Variants in GNA13 observed in about 807,000 individuals in gnomAD.
GNA13 encodes guanine nucleotide-binding protein subunit alpha-13.
In GNA13, 4 loss-of-function variants were observed where a neutral mutation model predicts 33.5. The observed-to-expected ratio is 0.12, with a 90% CI of 0.06 to 0.27. The LOEUF (loss-of-function observed/expected upper bound fraction) is 0.27, where lower values mean the gene tolerates loss of function less well. Ranked by LOEUF, GNA13 falls within the 10% of genes least tolerant of loss-of-function variation. GNA13 has a pLI of 1.00. For missense variants in GNA13, 319 were observed against 487.2 expected (o/e 0.65, Z 3.25); for synonymous variants, 176 against 183.8 (o/e 0.96, Z 0.34).
intron 2 of GNA13, among the ~76,000 whole-genome samples, chr17:65,028,744 A>C (rs978180214): frequency 6.6e-6 from 1 of 152,070 alleles, no homozygotes; most frequent in African/African-American, 2.4e-5. Context: ...TACAGATCAA[A>C]CTATCTCTAA....
In GNA13 at chr17:65,010,187, C is replaced by A. The variant is rs1030401618; in HGVS notation, c.*4070G>T. Among the ~76,000 whole-genome samples, 2 of 152,186 alleles carry A rather than the reference C, an allele frequency of 1.3e-5. No homozygotes were observed. Among genetic ancestry groups the A allele is most frequent in the Non-Finnish European group, 2.9e-5 (2 of 68,034 alleles). On this transcript the variant is annotated 3_prime_UTR_variant, in exon 4 of 4. Transcript: ENST00000439174. The stretch of plus-strand genomic sequence containing the variant: ...ATAACTTAAATGCTAACTACACGTT[C>A]AAGTACAGACATAAGAATGCTAGTG...
rs1310207184 is a variant in GNA13 at position 65,056,616 on chromosome 17, C to T, written c.-23G>A. ...CATCTTGCCGCCGCCGCCGCCGCCT[C>T]GGCGGGCCCCTCCGGCTCCCTCCAC... On this transcript the variant is annotated 5_prime_UTR_variant, in exon 1 of 4. Transcript: ENST00000439174. 2.5e-6 allele frequency: 4 copies of T among 1,594,662 alleles called. No homozygotes were observed. The highest frequency in any genetic ancestry group is 2.6e-6 in the Non-Finnish European group (3 of 1,175,026).
At chr17:65,026,816 T>C (rs778551517) in intron 2 of GNA13, among the ~76,000 whole-genome samples, 1 of 152,230 alleles carries the variant, frequency 6.6e-6, no homozygotes, top group Non-Finnish European at 1.5e-5. Flanking sequence ...TTCGCTCTTG[T>C]TGCCCAGGCT....
At chr17:65,051,302 G>A (rs1462756143) in intron 2 of GNA13, among the ~76,000 whole-genome samples, 6 of 152,156 alleles carry the variant, frequency 3.9e-5, no homozygotes, top group African/African-American at 1.4e-4. Context: ...GAAGAAAGGA[G>A]AATAAGCAGC....
chr17:65,052,896 A>T (rs2143832305), intron 2 of GNA13, among the ~76,000 whole-genome samples: 1 of 152,274 alleles, frequency 6.6e-6, no homozygotes, highest in Non-Finnish European at 1.5e-5. Flanking sequence ...GTGTGGTGGC[A>T]CGCGCCTATA....
intron 2 of GNA13, among the ~76,000 whole-genome samples, chr17:65,026,804 G>C (rs538268616): frequency 5.9e-5 from 9 of 152,314 alleles, no homozygotes; most frequent in South Asian, 2.1e-4. Context: ...TTGAGACGGA[G>C]TTTCGCTCTT....
At chr17:65,031,921 A>AGAGAGAGTGT (rs770161529) in intron 2 of GNA13, among the ~76,000 whole-genome samples, 23 of 91,688 alleles carry the variant, frequency 2.5e-4, no homozygotes, top group African/African-American at 8.3e-4. Context: ...AGAGAGAGAG[A>AGAGAGAGTGT]GTGTGTGTGT....
intron 1 of GNA13, chr17:65,055,617 AG>A: frequency 1.0e-6 from 1 of 985,444 alleles, no homozygotes; most frequent in East Asian, 1.1e-4. Context: ...GGGGCGAAAA[AG>A]CACAGATGCT....
intron 2 of GNA13, among the ~76,000 whole-genome samples, chr17:65,038,317 C>T (rs896414075): frequency 1.4e-4 from 21 of 151,850 alleles, no homozygotes; most frequent in African/African-American, 4.8e-4. Flanking sequence ...GTAGGAGAAT[C>T]GCTTGAAGCT....
At chr17:65,024,459 G>A (rs573226720) in intron 2 of GNA13, among the ~76,000 whole-genome samples, 27 of 152,212 alleles carry the variant, frequency 1.8e-4, no homozygotes, top group African/African-American at 6.5e-4. Flanking sequence ...ACAAAAACTT[G>A]CACACAAGTT....
chr17:65,056,230 C>G (rs1288576223), intron 1 of GNA13, 81 bp downstream of exon 1: 4 of 966,262 alleles, frequency 4.1e-6, no homozygotes, highest in Non-Finnish European at 6.0e-6. Context: ...CACAGCGGAC[C>G]AGGGCGGTGC....
At chr17:65,054,874 CTTAA>C (rs1306174484) in intron 1 of GNA13, among the ~76,000 whole-genome samples, 1 of 152,234 alleles carries the variant, frequency 6.6e-6, no homozygotes, top group Non-Finnish European at 1.5e-5. Flanking sequence ...TGAAAGAGAC[CTTAA>C]TTAGTTTTGA....
intron 2 of GNA13, among the ~76,000 whole-genome samples, chr17:65,020,729 C>A (rs1051392960): frequency 6.6e-6 from 1 of 151,440 alleles, no homozygotes; most frequent in East Asian, 1.9e-4. Flanking sequence ...TGGCTCAATA[C>A]AACCTCCACC....
chr17:65,056,021 C>T (rs1175493559), intron 1 of GNA13, among the ~76,000 whole-genome samples: 1 of 152,128 alleles, frequency 6.6e-6, no homozygotes, highest in Non-Finnish European at 1.5e-5. Context: ...ACTTCCCTCT[C>T]GCAGGGGGAG....
At position 65,053,561 on chromosome 17, in the gene GNA13, C is replaced by T; in HGVS notation, c.451G>A (p.Ala151Thr). The stretch of plus-strand genomic sequence containing the variant: ...TGTATGCCGCTGTCTGCCCATAATG[C>T]TCTTATAGCAGGAAGATATTGTAAG... Reference protein sequence around the residue: ...VFLQYLPAIRALWADSGIQNA... With the variant: ...VFLQYLPAIRTLWADSGIQNA... Residue 151 changes from alanine (A) to threonine (T), a missense_variant, in exon 2 of 4, where the codon GCA (alanine) becomes ACA (threonine). Physicochemically the swap from Ala to Thr is moderately conservative, Grantham distance 58. Around this residue, in one of 4 missense-constraint regions of GNA13, gnomAD observed 136 missense variants for 159.3 expected, o/e 0.85. Transcript: ENST00000439174. 6.2e-7 allele frequency: 1 copy of T among 1,614,006 alleles called. No individual in the cohort carries two copies. Among genetic ancestry groups the T allele is most frequent in the South Asian group, 1.1e-5 (1 of 91,086 alleles).
At chr17:65,028,528 TAA>T (rs986655008) in intron 2 of GNA13, among the ~76,000 whole-genome samples, 7 of 151,988 alleles carry the variant, frequency 4.6e-5, no homozygotes, top group Non-Finnish European at 1.0e-4. Context: ...ACTGTAATTA[TAA>T]TTTTCCTAAA....
At position 65,056,454 on chromosome 17, in the gene GNA13, C is replaced by T; in HGVS notation, c.140G>A (p.Arg47Gln). 1 of 1,613,868 alleles carries T rather than the reference C, an allele frequency of 6.2e-7. No individual in the cohort carries two copies. ...CLSREKTYVK[R>Q]LVKILLLGAG... ...GCCCAGCAGCAGGATCTTCACCAGC[C>T]GCTTCACATAGGTCTTTTCCCGAGA... Residue 47 changes from arginine (R) to glutamine (Q), a missense_variant, in exon 1 of 4, where the codon CGG becomes CAG. Physicochemically the swap from Arg to Gln is conservative, Grantham distance 43. Coordinates refer to ENST00000439174, the MANE Select transcript of GNA13 (RefSeq NM_006572.6).
intron 2 of GNA13, among the ~76,000 whole-genome samples, chr17:65,019,258 C>G (rs1479825458): frequency 6.6e-6 from 1 of 152,132 alleles, no homozygotes; most frequent in East Asian, 1.9e-4. Context: ...AGTAGCAGTT[C>G]TATAATTTTT....
intron 2 of GNA13, among the ~76,000 whole-genome samples, chr17:65,048,810 C>T (rs1259995240): frequency 1.3e-5 from 2 of 152,128 alleles, no homozygotes; most frequent in Admixed American, 6.5e-5. Flanking sequence ...GGCCTTAAAA[C>T]CTGTCAGTTT....
Sources: gnomAD v4.1 joint callset for allele counts (sites outside exome capture counted in the v4.1 genomes callset) on GRCh38, gnomAD v4.1.1 for gene constraint, gnomAD v4.1.1 regional missense constraint, MANE v1.5 for transcripts, NCBI Gene and HGNC (gene_info 2026-07-23, HGNC 2026-07-21) for gene names.